The following RPS6KA2 variants were observed in gnomAD, a reference collection of about 807,000 sequenced individuals.
The protein encoded by RPS6KA2 is ribosomal protein S6 kinase alpha-2.
Under a neutral mutation model 91.8 loss-of-function variants are expected in RPS6KA2, and 42 were observed. That is an observed-to-expected ratio of 0.46 (90% CI 0.36 to 0.59). The LOEUF (loss-of-function observed/expected upper bound fraction) is 0.59, where lower values mean the gene tolerates loss of function less well. Ranked by LOEUF, RPS6KA2 falls within the 20% of genes least tolerant of loss-of-function variation. RPS6KA2 has a pLI of 0.00. For synonymous variants in RPS6KA2, 414 were observed against 393.6 expected (o/e 1.05, Z -0.61); for missense variants, 798 against 978.5 (o/e 0.82, Z 2.46).
intron 2 of RPS6KA2, among the ~76,000 whole-genome samples, chr6:166,706,354 A>G (rs1789681198): frequency 6.6e-6 from 1 of 152,244 alleles, no homozygotes; most frequent in African/African-American, 2.4e-5. Context: ...AATGTAAATG[A>G]CTGGCAAGTA....
chr6:166,485,407 G>A (rs1285553799), intron 10 of RPS6KA2, among the ~76,000 whole-genome samples: 1 of 152,178 alleles, frequency 6.6e-6, no homozygotes, highest in African/African-American at 2.4e-5. Flanking sequence ...GTTGAGATCT[G>A]CTGAGCTGGG....
chr6:166,499,595 A>C (rs974998409), intron 7 of RPS6KA2, among the ~76,000 whole-genome samples: 1 of 152,200 alleles, frequency 6.6e-6, no homozygotes, highest in African/African-American at 2.4e-5. Flanking sequence ...TCTCCTGCAC[A>C]TGCTCTCTCT....
At chr6:166,783,539 CA>C (rs1390343589) in intron 2 of RPS6KA2, among the ~76,000 whole-genome samples, 2 of 151,928 alleles carry the variant, frequency 1.3e-5, no homozygotes, top group African/African-American at 4.8e-5. Flanking sequence ...ATACAAATGA[CA>C]TAGATATATG....
At chr6:166,532,568 G>A (rs1000322490) in intron 2 of RPS6KA2, among the ~76,000 whole-genome samples, 21 of 152,264 alleles carry the variant, frequency 1.4e-4, no homozygotes, top group African/African-American at 4.6e-4. Flanking sequence ...CATCTGTCCC[G>A]ATCACTGTCA....
intron 2 of RPS6KA2, among the ~76,000 whole-genome samples, chr6:166,740,545 G>A (rs1212796876): frequency 1.3e-5 from 2 of 152,214 alleles, no homozygotes; most frequent in African/African-American, 2.4e-5. Flanking sequence ...ATGTTCTTAA[G>A]TGGGAATAGC....
At chr6:166,431,706 T>C (rs1779138027) in intron 15 of RPS6KA2, among the ~76,000 whole-genome samples, 1 of 151,910 alleles carries the variant, frequency 6.6e-6, no homozygotes, top group South Asian at 2.1e-4. Flanking sequence ...AACCTCCACC[T>C]CCCAGGTTCA....
At chr6:166,691,654 T>G (rs1037069676) in intron 2 of RPS6KA2, among the ~76,000 whole-genome samples, 12 of 152,188 alleles carry the variant, frequency 7.9e-5, no homozygotes, top group Admixed American at 4.6e-4. Context: ...ACGACTTACC[T>G]GCACCCCACC....
chr6:166,626,866 G>A lies in RPS6KA2; in HGVS notation c.99+55C>T, dbSNP rs1226071715. 12 of 1,355,900 alleles carry A rather than the reference G, an allele frequency of 8.9e-6. No individual in the cohort carries two copies. The East Asian group carries it at 3.0e-4, about 34-fold the overall frequency. 84.0% of individuals were successfully genotyped at this position (1,355,900 alleles called of 1,614,324 possible). ...CAGGGGTGGCGAGGCGGGCTCGGGCGACCACGGCCCGCTCAGTGCCCGGCA... is the reference window on the plus strand; with the variant it reads ...CAGGGGTGGCGAGGCGGGCTCGGGCAACCACGGCCCGCTCAGTGCCCGGCA... On this transcript the variant is annotated intron_variant, in intron 1 of 20. Transcript: ENST00000265678. This position sits in a 1 kb window ranked among gnomAD's most constrained non-coding sequence, Gnocchi z 4.1.
At chr6:166,664,014 C>T (rs1788244348) in intron 2 of RPS6KA2, among the ~76,000 whole-genome samples, 1 of 152,218 alleles carries the variant, frequency 6.6e-6, no homozygotes, top group Non-Finnish European at 1.5e-5. Flanking sequence ...GGTTTTCTGA[C>T]AGTTCAGTCA....
At chr6:166,461,164 A>G (rs982535909) in intron 11 of RPS6KA2, among the ~76,000 whole-genome samples, 2 of 152,162 alleles carry the variant, frequency 1.3e-5, no homozygotes, top group Non-Finnish European at 2.9e-5. Flanking sequence ...ATCGGAGGAG[A>G]AACAGGATTG....
At chr6:166,721,119 G>C (rs929609505) in intron 2 of RPS6KA2, among the ~76,000 whole-genome samples, 1 of 152,200 alleles carries the variant, frequency 6.6e-6, no homozygotes, top group Non-Finnish European at 1.5e-5. Flanking sequence ...AATTTCACGA[G>C]GATCCCTACT....
At chr6:166,690,511 C>T (rs1194250424) in intron 2 of RPS6KA2, among the ~76,000 whole-genome samples, 2 of 152,188 alleles carry the variant, frequency 1.3e-5, no homozygotes, top group Non-Finnish European at 2.9e-5. Context: ...ACACAGTTCT[C>T]GGGATTCTTC....
chr6:166,597,787 A>G (rs1725417860), intron 1 of RPS6KA2, among the ~76,000 whole-genome samples: 1 of 152,188 alleles, frequency 6.6e-6, no homozygotes, highest in South Asian at 2.1e-4. Context: ...TGACGGCATC[A>G]TCGAGAAGAG....
chr6:166,750,900 C>T (rs528300009), intron 2 of RPS6KA2, among the ~76,000 whole-genome samples: 5 of 152,304 alleles, frequency 3.3e-5, no homozygotes, highest in African/African-American at 7.2e-5. Flanking sequence ...CCTCTTGCTG[C>T]GTAGACTGTG....
chr6:166,709,950 T>C (rs1583039339), intron 2 of RPS6KA2, among the ~76,000 whole-genome samples: 1 of 152,328 alleles, frequency 6.6e-6, no homozygotes, highest in East Asian at 1.9e-4. Flanking sequence ...TTTAAAACTG[T>C]AAGAGGGTTT....
chr6:166,671,611 G>A (rs1266902809), intron 2 of RPS6KA2, among the ~76,000 whole-genome samples: 1 of 152,144 alleles, frequency 6.6e-6, no homozygotes, highest in Non-Finnish European at 1.5e-5. Context: ...AGATGGCAAG[G>A]TCAGCAATCT....
At chr6:166,430,339 A>G (rs1279386968) in intron 16 of RPS6KA2, 114 bp downstream of exon 16, 9 of 910,912 alleles carry the variant, frequency 9.9e-6, no homozygotes, top group Non-Finnish European at 1.5e-5. Flanking sequence ...GTGGCACGGA[A>G]GGAATTCCAG....
rs1259984640 is a variant in RPS6KA2 at position 166,557,245 on chromosome 6, G to C, written c.100-18461C>G. ...GGCAGCTGCAGCCTGAGTGCGCAGA[G>C]GGTAGCTCCTGCCGGGGTGAGGACC... is the stretch of plus-strand genomic sequence containing the variant. On this transcript the variant is annotated intron_variant, in intron 1 of 20. Coordinates refer to ENST00000265678, the MANE Select transcript of RPS6KA2 (RefSeq NM_021135.6). This position sits in a 1 kb window ranked among gnomAD's most constrained non-coding sequence, Gnocchi z 4.8. Among the ~76,000 whole-genome samples the C allele has an allele frequency of 1.3e-5, 2 of 152,264 alleles. No individual in the cohort carries two copies. Among genetic ancestry groups the C allele is most frequent in the Non-Finnish European group, 2.9e-5 (2 of 68,048 alleles).
At chr6:166,587,649 C>A (rs1213269037) in intron 1 of RPS6KA2, among the ~76,000 whole-genome samples, 1 of 145,096 alleles carries the variant, frequency 6.9e-6, no homozygotes, top group Admixed American at 7.1e-5. Context: ...AAAAAGCAAA[C>A]CAGCATAAAA....
Sources: allele counts gnomAD v4.1 joint callset (sites outside exome capture counted in the v4.1 genomes callset), GRCh38; gene constraint gnomAD v4.1.1; non-coding constraint Gnocchi (gnomAD v3.1); transcripts MANE v1.5; gene names NCBI Gene and HGNC (gene_info 2026-07-23, HGNC 2026-07-21).